PIEZO2: variants seen among roughly 807,000 people sequenced by gnomAD.
PIEZO2 encodes the protein piezo-type mechanosensitive ion channel component 2.
PIEZO2 carries 172 observed loss-of-function variants against 337.3 expected under a neutral mutation model. That is an observed-to-expected ratio of 0.51 (90% CI 0.45 to 0.58). The LOEUF (loss-of-function observed/expected upper bound fraction) is 0.58, where lower values mean the gene tolerates loss of function less well. Among genes scored for constraint, PIEZO2 ranks in the 20% least tolerant of loss-of-function variants. PIEZO2 has a pLI of 0.00. For missense variants in PIEZO2, 3,028 were observed against 3,391.3 expected (o/e 0.89, Z 2.66); for synonymous variants, 1,251 against 1,228.5 (o/e 1.02, Z -0.38).
chr18:10,909,667 C>G (rs1195101523), intron 4 of PIEZO2, among the ~76,000 whole-genome samples: 2 of 152,144 alleles, frequency 1.3e-5, no homozygotes, highest in Non-Finnish European at 2.9e-5. Context: ...CTTATTGGAG[C>G]TGGGGAGTGG....
intron 2 of PIEZO2, among the ~76,000 whole-genome samples, chr18:11,011,026 C>A (rs141674667): frequency 6.6e-6 from 1 of 152,230 alleles, no homozygotes; most frequent in Non-Finnish European, 1.5e-5. Flanking sequence ...CCCCATGCTA[C>A]GTGGTGTGAA....
At chr18:11,071,019 G>A (rs1033025080) in intron 1 of PIEZO2, among the ~76,000 whole-genome samples, 1 of 152,100 alleles carries the variant, frequency 6.6e-6, no homozygotes, top group Non-Finnish European at 1.5e-5. Context: ...GCTGATTCTA[G>A]AAGTCAGCGA....
chr18:10,870,906 G>T lies in PIEZO2; in HGVS notation c.492+347C>A, dbSNP rs2042123527. Among the ~76,000 whole-genome samples the T allele has an allele frequency of 6.6e-6, 1 of 151,922 alleles. No individual in the cohort carries two copies. Among genetic ancestry groups the T allele is most frequent in the South Asian group, 2.1e-4 (1 of 4,814 alleles). ...CAGATGTTACTTCTTTAAATATTCT[G>T]CAATAACTAAGGTACCCAGACCAAT... On this transcript the variant is annotated intron_variant, in intron 5 of 55. Transcript: ENST00000674853. This position sits in a 1 kb window ranked among gnomAD's most constrained non-coding sequence, Gnocchi z 5.3.
chr18:11,015,449 A>G (rs1173903933), intron 2 of PIEZO2, among the ~76,000 whole-genome samples: 1 of 152,210 alleles, frequency 6.6e-6, no homozygotes. Flanking sequence ...ATAAAGATGG[A>G]AGTTAATGGT....
At chr18:11,039,443 A>T (rs957485003) in intron 2 of PIEZO2, among the ~76,000 whole-genome samples, 1 of 152,174 alleles carries the variant, frequency 6.6e-6, no homozygotes, top group African/African-American at 2.4e-5. Flanking sequence ...GAATGTTTTT[A>T]TTATGCTCCA....
intron 7 of PIEZO2, among the ~76,000 whole-genome samples, chr18:10,845,256 T>G (rs2041322233): frequency 6.6e-6 from 1 of 152,040 alleles, no homozygotes; most frequent in African/African-American, 2.4e-5. Context: ...AAGGAACATG[T>G]TTTGTTTCAC....
At chr18:11,058,064 A>G (rs754968) in intron 2 of PIEZO2, among the ~76,000 whole-genome samples, 101,727 of 152,022 alleles carry the variant, frequency 0.67, 34,586 homozygotes, top group East Asian at 0.99. Flanking sequence ...TATGTTAAAG[A>G]CTGCCCCGGT....
intron 49 of PIEZO2, among the ~76,000 whole-genome samples, chr18:10,684,987 G>T (rs757429827): frequency 6.6e-6 from 1 of 152,138 alleles, no homozygotes; most frequent in Non-Finnish European, 1.5e-5. Context: ...TTCCTGCTTG[G>T]TGTTCCTGTT....
At chr18:10,825,731 A>G (rs2040655396) in intron 7 of PIEZO2, among the ~76,000 whole-genome samples, 1 of 150,988 alleles carries the variant, frequency 6.6e-6, no homozygotes, top group Admixed American at 6.6e-5. Flanking sequence ...TTGTATTTTT[A>G]GTAGAGATGG....
chr18:10,786,310 T>C (rs1329396250), intron 16 of PIEZO2, among the ~76,000 whole-genome samples: 2 of 152,244 alleles, frequency 1.3e-5, no homozygotes, highest in Admixed American at 1.3e-4. Context: ...ATTTTGTCTG[T>C]CTTGTTCCCT....
chr18:10,894,300 A>G lies in PIEZO2; in HGVS notation c.329+16886T>C, dbSNP rs1385774120. ...AATCCCCTCTGTACTAAAAATACAA[A>G]AAAAACAGCCAGGCGTGGTGGTGGA... On this transcript the variant is annotated intron_variant, in intron 4 of 55. Transcript: ENST00000674853. The surrounding 1 kb of genome is among the most constrained non-coding windows in gnomAD (Gnocchi z 4.1). Among the ~76,000 whole-genome samples the G allele has an allele frequency of 6.6e-6, 1 of 151,994 alleles. No homozygotes were observed. Among genetic ancestry groups the G allele is most frequent in the Non-Finnish European group, 1.5e-5 (1 of 68,018 alleles).
chr18:10,696,583 AG>A, intron 45 of PIEZO2, 44 bp from the exon 46 acceptor site: 1 of 1,607,130 alleles, frequency 6.2e-7, no homozygotes, highest in Non-Finnish European at 8.5e-7. Context: ...TGTTTCAGGA[AG>A]GGCAGGATGG....
chr18:10,784,894 T>G lies in PIEZO2; in HGVS notation c.2382A>C (p.Pro794=). 6.5e-7 allele frequency: 1 copy of G among 1,537,536 alleles called. No individual in the cohort carries two copies. Among genetic ancestry groups the G allele is most frequent in the Non-Finnish European group, 8.7e-7 (1 of 1,146,962 alleles). Reference sequence around the variant, plus strand: ...AAATGCACACCAGCAGAAAGGAGGTTGGGATGAATATGCGAGTGAATAGTT... The same window carrying G: ...AAATGCACACCAGCAGAAAGGAGGTGGGGATGAATATGCGAGTGAATAGTT... ...VAELFTRIFI[P]TSFLLVCILH... is the part of the protein sequence containing the mutation. Residue 794 remains proline (P), a synonymous_variant, in exon 17 of 56, where the codon CCA becomes CCC. Coordinates refer to ENST00000674853, the MANE Select transcript of PIEZO2 (RefSeq NM_001378183.1). The surrounding 1 kb of genome is among the most constrained non-coding windows in gnomAD (Gnocchi z 4.5).
intron 2 of PIEZO2, among the ~76,000 whole-genome samples, chr18:11,058,540 G>T (rs756240194): frequency 6.6e-6 from 1 of 152,112 alleles, no homozygotes; most frequent in South Asian, 2.1e-4. Flanking sequence ...AAAATTAGAC[G>T]AAAGGCTAAC....
At chr18:11,042,309 A>G (rs2037153296) in intron 2 of PIEZO2, among the ~76,000 whole-genome samples, 1 of 152,228 alleles carries the variant, frequency 6.6e-6, no homozygotes, top group Non-Finnish European at 1.5e-5. Context: ...CAGCTGTCAC[A>G]GCTCAGTCAC....
In PIEZO2 at chr18:10,847,151, T is replaced by C. The variant is rs1036821488; in HGVS notation, c.917+8202A>G. On this transcript the variant is annotated intron_variant, in intron 7 of 55. Transcript: ENST00000674853. The surrounding 1 kb of genome is among the most constrained non-coding windows in gnomAD (Gnocchi z 5.7). Reference sequence around the variant, plus strand: ...ACTCCAGGGAATGAGCTGTTGAGCATTAGCAGAATCCTCTTAGTGTGGTAT... The same window carrying C: ...ACTCCAGGGAATGAGCTGTTGAGCACTAGCAGAATCCTCTTAGTGTGGTAT... 6.6e-6 allele frequency among the ~76,000 whole-genome samples: 1 copy of C among 152,190 alleles called. No homozygotes were observed. Among genetic ancestry groups the C allele is most frequent in the Non-Finnish European group, 1.5e-5 (1 of 68,036 alleles).
At chr18:10,992,999 G>A (rs112734891) in intron 2 of PIEZO2, among the ~76,000 whole-genome samples, 2,624 of 152,248 alleles carry the variant, frequency 0.017, 86 homozygotes, top group African/African-American at 0.059. Flanking sequence ...AGTTGTGAAT[G>A]TGAATTCATT....
chr18:10,699,146 G>T lies in PIEZO2; in HGVS notation c.6473C>A (p.Thr2158Asn). 1 of 1,537,244 alleles carries T rather than the reference G, an allele frequency of 6.5e-7. No individual in the cohort carries two copies. Among genetic ancestry groups the T allele is most frequent in the Middle Eastern group, 1.7e-4 (1 of 5,988 alleles). The change falls in exon 44 of 56, where the codon ACT becomes AAT. Residue 2158 changes from threonine (T) to asparagine (N), a missense_variant. Physicochemically the swap from Thr to Asn is moderately conservative, Grantham distance 65. This residue lies in a region of PIEZO2 where 1,925 missense variants were observed against 2,051.9 expected (regional missense o/e 0.94). Coordinates refer to ENST00000674853, the MANE Select transcript of PIEZO2 (RefSeq NM_001378183.1). ...CHGLWDEDDM[T>N]ESGMAREESD... is the part of the protein sequence containing the mutation. ...TTCCTCCCTGGCCATGCCACTTTCA[G>T]TCATGTCATCTTCATCCCATAAGCC...
At chr18:10,836,106 A>C (rs2041004836) in intron 7 of PIEZO2, among the ~76,000 whole-genome samples, 2 of 152,144 alleles carry the variant, frequency 1.3e-5, no homozygotes, top group Non-Finnish European at 2.9e-5. Flanking sequence ...TACATGAGCA[A>C]AGTACCACAA....
Sources: allele counts gnomAD v4.1 joint callset (sites outside exome capture counted in the v4.1 genomes callset), GRCh38; gene constraint gnomAD v4.1.1; regional missense constraint gnomAD v4.1.1; non-coding constraint Gnocchi (gnomAD v3.1); transcripts MANE v1.5; gene names NCBI Gene and HGNC (gene_info 2026-07-23, HGNC 2026-07-21).